The following PPFIA1 variants were observed in gnomAD, a reference collection of about 807,000 sequenced individuals.
The protein encoded by PPFIA1 is liprin-alpha-1.
PPFIA1 carries 25 observed loss-of-function variants against 149.9 expected under a neutral mutation model. The ratio of observed to expected loss-of-function variants is 0.17; its 90% CI spans 0.12 to 0.23. The LOEUF is 0.23. PPFIA1 is among the 10% of genes least tolerant of loss of function. The probability of loss-of-function intolerance (pLI) is 1.00; values close to 1 mark genes in which losing one functional copy is unlikely to be tolerated. For missense variants in PPFIA1, 1,362 were observed against 1,506.5 expected (o/e 0.90, Z 1.59); for synonymous variants, 549 against 552.8 (o/e 0.99, Z 0.10).
Position 70,279,904 on chromosome 11 carries a change from G to GGTGTGTGTGTGTGTGTGTGTGTGT in PPFIA1, c.264+7468_264+7469insGTGTGTGTGTGTGTGTGTGTGTGT, listed in dbSNP as rs1565335096. 1.3e-4 allele frequency among the ~76,000 whole-genome samples: 13 copies of GGTGTGTGTGTGTGTGTGTGTGTGT among 98,650 alleles called. No individual in the cohort carries two copies. In the South Asian group the frequency reaches 2.9e-3, roughly 22 times the overall value. 64.7% of individuals were successfully genotyped at this position (98,650 alleles called of 152,430 possible). A position where few individuals can be genotyped will look rare whatever the true frequency, so the allele number is the denominator to read the frequency against. ...GTGTCCGGCCTGTGTGTGTGTGGGG[G>GGTGTGTGTGTGTGTGTGTGTGTGT]ATGTGTGTGTGTGTATATTTTTGGG... On this transcript the variant is annotated intron_variant, in intron 2 of 27. Coordinates refer to ENST00000253925, the MANE Select transcript of PPFIA1 (RefSeq NM_003626.5).
intron 2 of PPFIA1, among the ~76,000 whole-genome samples, chr11:70,319,398 C>G (rs1439799062): frequency 2.6e-5 from 4 of 152,236 alleles, no homozygotes; most frequent in African/African-American, 9.6e-5. Flanking sequence ...CCTTTGAAAA[C>G]GGGTGAAGGG....
intron 2 of PPFIA1, among the ~76,000 whole-genome samples, chr11:70,311,697 G>A (rs987495482): frequency 2.0e-5 from 3 of 152,044 alleles, no homozygotes; most frequent in East Asian, 3.9e-4. Context: ...TGATTGTTAC[G>A]GTTGTGGACC....
chr11:70,274,627 C>T (rs1223648922), intron 2 of PPFIA1, among the ~76,000 whole-genome samples: 2 of 152,204 alleles, frequency 1.3e-5, no homozygotes, highest in Non-Finnish European at 2.9e-5. Flanking sequence ...ACAGACAGAA[C>T]TTATTCTTTC....
chr11:70,315,678 GT>G (rs71049904), intron 2 of PPFIA1, among the ~76,000 whole-genome samples: 5,781 of 73,016 alleles, frequency 0.079, 112 homozygotes, highest in African/African-American at 0.18. Context: ...CTTTTTTTCT[GT>G]TTTTTTTTTT....
intron 2 of PPFIA1, among the ~76,000 whole-genome samples, chr11:70,313,790 T>G (rs192521222): frequency 2.2e-4 from 33 of 151,926 alleles, no homozygotes; most frequent in Non-Finnish European, 2.2e-4. Flanking sequence ...CTTTGGGAGG[T>G]GGAGGCAGGA....
chr11:70,338,376 T>G lies in PPFIA1; in HGVS notation c.1494T>G (p.Asp498Glu), dbSNP rs1486352256. Residue 498 changes from aspartate to glutamate, a missense_variant and splice_region_variant, in exon 13 of 28, where the codon GAT becomes GAG. This residue lies in a region of PPFIA1 where 733 missense variants were observed against 744.1 expected (regional missense o/e 0.99). Transcript: ENST00000253925. The part of the protein sequence containing the change: ...KQLEETQHDK[D>E]QLVLNIEALR... ...GTAAGTCTTTTGCTTTTCTGTAGGA[T>G]CAGCTTGTCCTAAACATTGAAGCAC... is the stretch of plus-strand genomic sequence containing the variant. 2 of 1,610,696 alleles carry G rather than the reference T, an allele frequency of 1.2e-6. No homozygotes were observed. The highest frequency in any genetic ancestry group is 8.5e-7 in the Non-Finnish European group (1 of 1,177,268).
At chr11:70,307,621 A>G (rs975683819) in intron 2 of PPFIA1, among the ~76,000 whole-genome samples, 1 of 152,178 alleles carries the variant, frequency 6.6e-6, no homozygotes, top group African/African-American at 2.4e-5. Flanking sequence ...GTGTAAAAAA[A>G]AAGAAAGAAA....
intron 12 of PPFIA1, among the ~76,000 whole-genome samples, chr11:70,338,127 A>G (rs1358950073): frequency 6.6e-6 from 1 of 152,252 alleles, no homozygotes; most frequent in Non-Finnish European, 1.5e-5. Context: ...TTATCTTCTG[A>G]AAAGCTTTTC....
chr11:70,290,677 G>A (rs975881050), intron 2 of PPFIA1, among the ~76,000 whole-genome samples: 60 of 152,156 alleles, frequency 3.9e-4, no homozygotes, highest in African/African-American at 1.4e-3. Flanking sequence ...ATTTTACTCT[G>A]AAAATTTGGG....
At chr11:70,304,796 C>T (rs75347708) in intron 2 of PPFIA1, among the ~76,000 whole-genome samples, 2,323 of 152,250 alleles carry the variant, frequency 0.015, 56 homozygotes, top group African/African-American at 0.053. Context: ...TTTACACCCC[C>T]GACATCTGGT....
rs777549211 is a variant in PPFIA1, at chr11:70,348,338, C to T, written c.2081C>T (p.Pro694Leu). 12 of 1,614,052 alleles carry T rather than the reference C, an allele frequency of 7.4e-6. No individual in the cohort carries two copies. In the Admixed American group the frequency reaches 8.3e-5, roughly 11 times the overall value. Reference sequence around the variant, plus strand: ...GCTTCCTCGCTTGCTAGCTCCTCCCCTCCGGGCAGTGGGCGCTCCACCCCA... The same window carrying T: ...GCTTCCTCGCTTGCTAGCTCCTCCCTTCCGGGCAGTGGGCGCTCCACCCCA... ...YPASSLASSS[P>L]PGSGRSTPRR... The change falls in exon 16 of 28, where the codon CCT (proline) becomes CTT (leucine). Residue 694 changes from proline (P) to leucine (L), a missense_variant. Transcript: ENST00000253925.
At chr11:70,372,193 C>A in intron 21 of PPFIA1, 22 bp from the exon 22 acceptor site, 1 of 1,581,734 alleles carries the variant, frequency 6.3e-7, no homozygotes, top group Non-Finnish European at 8.6e-7. Context: ...TGTAACTGAC[C>A]TTTTCCATTT....
At chr11:70,315,691 T>G (rs933878635) in intron 2 of PPFIA1, among the ~76,000 whole-genome samples, 2 of 147,344 alleles carry the variant, frequency 1.4e-5, no homozygotes, top group Non-Finnish European at 3.0e-5. Flanking sequence ...TTTTTTTTTT[T>G]TTTTTTTTTT....
rs764786699 is a variant in PPFIA1 at position 70,326,317 on chromosome 11, T to C, written c.662T>C (p.Leu221Pro). The change falls in exon 6 of 28, where the codon CTG (leucine) becomes CCG (proline). Residue 221 changes from leucine to proline, a missense_variant. Leu to Pro is a moderately conservative substitution (Grantham distance 98). This residue lies in a region of PPFIA1 where 733 missense variants were observed against 744.1 expected (regional missense o/e 0.99). Transcript: ENST00000253925. The part of the protein sequence containing the change: ...NQKKTLTDGV[L>P]DINHEQENTP... ...AAAAAAACTCTAACAGATGGAGTGC[T>C]GGACATAAACCATGAACAAGAAAAT... 9.9e-6 allele frequency: 16 copies of C among 1,610,732 alleles called. No homozygotes were observed. In the South Asian group the frequency reaches 1.7e-4, roughly 17 times the overall value.
intron 26 of PPFIA1, among the ~76,000 whole-genome samples, chr11:70,381,661 TG>T (rs1231973367): frequency 6.6e-6 from 1 of 152,212 alleles, no homozygotes; most frequent in Admixed American, 6.5e-5. Context: ...TCAGTGGGGC[TG>T]GGCAGCATCA....
At chr11:70,379,418 G>A (rs985295125) in intron 26 of PPFIA1, among the ~76,000 whole-genome samples, 4 of 151,432 alleles carry the variant, frequency 2.6e-5, no homozygotes, top group Admixed American at 6.6e-5. Flanking sequence ...AGATTGTGCC[G>A]CTGCACTCTA....
At chr11:70,363,962 C>T (rs1046523901) in intron 21 of PPFIA1, among the ~76,000 whole-genome samples, 6 of 152,160 alleles carry the variant, frequency 3.9e-5, no homozygotes, top group African/African-American at 1.2e-4. Context: ...TGGGCTCAAG[C>T]GATCCTCCTG....
chr11:70,359,967 A>AC (rs1358242351), intron 19 of PPFIA1, among the ~76,000 whole-genome samples: 1 of 152,200 alleles, frequency 6.6e-6, no homozygotes, highest in Non-Finnish European at 1.5e-5. Flanking sequence ...CCCAGAGAAA[A>AC]CAGGGGCTCT....
At chr11:70,361,895 G>T (rs1487680786) in intron 19 of PPFIA1, among the ~76,000 whole-genome samples, 200 bp from the exon 20 acceptor site, 1 of 151,838 alleles carries the variant, frequency 6.6e-6, no homozygotes, top group African/African-American at 2.4e-5. Context: ...GAGTAGCTGG[G>T]ACTACAGGGG....
Sources: gnomAD v4.1 joint callset for allele counts (sites outside exome capture counted in the v4.1 genomes callset) on GRCh38, gnomAD v4.1.1 for gene constraint, gnomAD v4.1.1 regional missense constraint, MANE v1.5 for transcripts, NCBI Gene and HGNC (gene_info 2026-07-23, HGNC 2026-07-21) for gene names.